The following AP2B1 variants were observed in gnomAD, a reference collection of about 807,000 sequenced individuals.
The protein encoded by AP2B1 is adaptor related protein complex 2 subunit beta 1, also known as AP-2 complex subunit beta.
Under a neutral mutation model 102.0 loss-of-function variants are expected in AP2B1, and 23 were observed. The ratio of observed to expected loss-of-function variants is 0.23; its 90% CI spans 0.16 to 0.32. The LOEUF is 0.32. AP2B1 is among the 10% of genes least tolerant of loss of function. AP2B1 has a pLI of 1.00. For missense variants in AP2B1, 541 were observed against 1,157.4 expected (o/e 0.47, Z 7.73); for synonymous variants, 381 against 421.2 (o/e 0.90, Z 1.17).
chr17:35,632,642 C>T (rs965814775), intron 9 of AP2B1, among the ~76,000 whole-genome samples: 5 of 150,884 alleles, frequency 3.3e-5, no homozygotes, highest in Admixed American at 2.0e-4. Flanking sequence ...GTTCCTCTGC[C>T]ATACTGCTTT....
At chr17:35,660,481 CTTTT>C (rs71366472) in intron 14 of AP2B1, among the ~76,000 whole-genome samples, 1 of 127,742 alleles carries the variant, frequency 7.8e-6, no homozygotes. Flanking sequence ...TTTTCTCTCT[CTTTT>C]TTTTTTTTTT....
At chr17:35,643,955 C>T (rs552334283) in intron 12 of AP2B1, among the ~76,000 whole-genome samples, 1 of 152,332 alleles carries the variant, frequency 6.6e-6, no homozygotes, top group East Asian at 1.9e-4. Flanking sequence ...ATTTAACAAT[C>T]TCCCATGGAA....
chr17:35,653,334 CCT>C (rs1344775068), intron 13 of AP2B1, among the ~76,000 whole-genome samples: 15 of 152,134 alleles, frequency 9.9e-5, no homozygotes, highest in South Asian at 2.1e-4. Context: ...CACTTAATCC[CCT>C]GTTTTTACCA....
chr17:35,634,953 C>T (rs225265), intron 9 of AP2B1, among the ~76,000 whole-genome samples: 132,449 of 152,164 alleles, frequency 0.87, 58,052 homozygotes, highest in African/African-American at 0.97. Context: ...ATCTCCTGGC[C>T]ATCCAAGATG....
At chr17:35,590,333 A>G (rs1473549939) in intron 1 of AP2B1, among the ~76,000 whole-genome samples, 5 of 152,172 alleles carry the variant, frequency 3.3e-5, no homozygotes, top group Non-Finnish European at 5.9e-5. Context: ...AGAACTCATT[A>G]TATGAGAGAT....
chr17:35,699,265 T>C (rs2076196610), intron 18 of AP2B1, among the ~76,000 whole-genome samples: 1 of 152,198 alleles, frequency 6.6e-6, no homozygotes. Flanking sequence ...AAAGCTTTCA[T>C]TTCTGGTTCT....
chr17:35,599,792 C>T (rs2073416632), intron 3 of AP2B1, among the ~76,000 whole-genome samples: 1 of 152,052 alleles, frequency 6.6e-6, no homozygotes, highest in Non-Finnish European at 1.5e-5. Flanking sequence ...TGCCTGTAAT[C>T]CCAGCTACTC....
chr17:35,668,040 CA>C (rs2075506918), intron 14 of AP2B1, among the ~76,000 whole-genome samples: 1 of 149,214 alleles, frequency 6.7e-6, no homozygotes, highest in Non-Finnish European at 1.5e-5. Flanking sequence ...CAGGTTTAAG[CA>C]ATTCTCCTGT....
intron 18 of AP2B1, among the ~76,000 whole-genome samples, chr17:35,688,921 G>A (rs1036568145): frequency 6.6e-5 from 10 of 152,056 alleles, no homozygotes; most frequent in East Asian, 3.9e-4. Flanking sequence ...TTGAGATTAC[G>A]CCACTGCACT....
chr17:35,671,871 G>A lies in AP2B1; in HGVS notation c.2149G>A (p.Ala717Thr). 1 of 1,614,094 alleles carries A rather than the reference G, an allele frequency of 6.2e-7. No homozygotes were observed. The highest frequency in any genetic ancestry group is 8.5e-7 in the Non-Finnish European group (1 of 1,179,992). ...TGAACTCTCCACAGGGATAGGCATG[G>A]CACCTGGTGGATATGTGGCTCCTAA... is the stretch of plus-strand genomic sequence containing the variant. ...LFELSTGIGM[A>T]PGGYVAPKAV... Residue 717 changes from alanine to threonine, a missense_variant, in exon 16 of 22, where the codon GCA becomes ACA. By Grantham distance (58) the Ala-to-Thr change is moderately conservative (BLOSUM62 0). Coordinates refer to ENST00000610402, the MANE Select transcript of AP2B1 (RefSeq NM_001030006.2).
At chr17:35,645,017 G>A (rs967135488) in intron 12 of AP2B1, among the ~76,000 whole-genome samples, 7 of 151,000 alleles carry the variant, frequency 4.6e-5, no homozygotes, top group African/African-American at 1.5e-4. Context: ...GGGTAATACA[G>A]CAAGACTCTG....
At position 35,702,116 on chromosome 17, in the gene AP2B1, A is replaced by G. The variant is rs764921318; in HGVS notation, c.2455-7108A>G. Reference sequence around the variant, plus strand: ...ATTTATATTCTACCACAAGTGGGGTATGTGGCATGGGGACAGGCAATAAAC... The same window carrying G: ...ATTTATATTCTACCACAAGTGGGGTGTGTGGCATGGGGACAGGCAATAAAC... On this transcript the variant is annotated intron_variant, in intron 18 of 21. Coordinates refer to ENST00000610402, the MANE Select transcript of AP2B1 (RefSeq NM_001030006.2). Among the ~76,000 whole-genome samples, 16 of 152,358 alleles carry G rather than the reference A, an allele frequency of 1.1e-4. No individual in the cohort carries two copies. In the South Asian group the frequency reaches 2.9e-3, roughly 28 times the overall value.
Position 35,627,482 on chromosome 17 carries a change from G to A in AP2B1, c.1036G>A (p.Ala346Thr), listed in dbSNP as rs2074350683. ...GAAGTTGGACATCATGATTCGTTTGGCATCTCAAGCCAACATTGCTCAGGT... is the reference window on the plus strand; with the variant it reads ...GAAGTTGGACATCATGATTCGTTTGACATCTCAAGCCAACATTGCTCAGGT... The part of the protein sequence containing the change: ...LEKLDIMIRL[A>T]SQANIAQVLA... Residue 346 changes from alanine (A) to threonine (T), a missense_variant, in exon 8 of 22, where the codon GCA becomes ACA. Around this residue, in one of 10 missense-constraint regions of AP2B1, gnomAD observed 134 missense variants for 250.2 expected, o/e 0.54. Transcript: ENST00000610402. 1.2e-6 allele frequency: 2 copies of A among 1,613,966 alleles called. No individual in the cohort carries two copies. Among genetic ancestry groups the A allele is most frequent in the Non-Finnish European group, 1.7e-6 (2 of 1,179,986 alleles).
At chr17:35,690,666 C>T (rs1458751983) in intron 18 of AP2B1, among the ~76,000 whole-genome samples, 1 of 152,218 alleles carries the variant, frequency 6.6e-6, no homozygotes, top group Admixed American at 6.5e-5. Context: ...TCCAGAGGTG[C>T]TACCAGTCCT....
intron 1 of AP2B1, chr17:35,588,824 G>A (rs1435089911): frequency 2.0e-5 from 3 of 152,202 alleles, no homozygotes; most frequent in Non-Finnish European, 2.9e-5. Context: ...TAAAAGCTGG[G>A]TGGTAAAATC....
chr17:35,603,060 A>G (rs979448972), intron 3 of AP2B1, among the ~76,000 whole-genome samples: 1 of 152,228 alleles, frequency 6.6e-6, no homozygotes. Flanking sequence ...TTTCCAGGAC[A>G]GAAGTTACTG....
At position 35,636,329 on chromosome 17, in the gene AP2B1, T is replaced by A; in HGVS notation, c.1156-12T>A. 1 of 1,602,902 alleles carries A rather than the reference T, an allele frequency of 6.2e-7. No homozygotes were observed. Among genetic ancestry groups the A allele is most frequent in the Non-Finnish European group, 8.5e-7 (1 of 1,172,062 alleles). ...TCATCTGACTTCTCATTTTTTGTAT[T>A]TTTCTTCCCAGCAATCTGCAGAGCG... On this transcript the variant is annotated splice_polypyrimidine_tract_variant and intron_variant, in intron 9 of 21. Transcript: ENST00000610402.
At chr17:35,610,907 CAAAAAAAAAAA>C (rs566884121) in intron 5 of AP2B1, among the ~76,000 whole-genome samples, 1 of 134,422 alleles carries the variant, frequency 7.4e-6, no homozygotes, top group African/African-American at 2.8e-5. Flanking sequence ...ACTCTTGTCT[CAAAAAAAAAAA>C]AAAAAATTTT....
intron 5 of AP2B1, among the ~76,000 whole-genome samples, chr17:35,617,236 A>G (rs985825570): frequency 6.6e-6 from 1 of 152,142 alleles, no homozygotes; most frequent in Non-Finnish European, 1.5e-5. Context: ...TTGTATTTTT[A>G]GTAGAGACAG....
Sources: gnomAD v4.1 joint callset for allele counts (sites outside exome capture counted in the v4.1 genomes callset) on GRCh38, gnomAD v4.1.1 for gene constraint, gnomAD v4.1.1 regional missense constraint, MANE v1.5 for transcripts, NCBI Gene and HGNC (gene_info 2026-07-23, HGNC 2026-07-21) for gene names.